The following ACVR1C variants were observed in gnomAD, a reference collection of about 807,000 sequenced individuals.
The protein encoded by ACVR1C is activin receptor type-1C.
Under a neutral mutation model 57.9 loss-of-function variants are expected in ACVR1C, and 23 were observed. That is an observed-to-expected ratio of 0.40 (90% CI 0.29 to 0.56). ACVR1C has a LOEUF of 0.56. Among genes scored for constraint, ACVR1C ranks in the 20% least tolerant of loss-of-function variants. ACVR1C has a pLI of 0.50. For missense variants in ACVR1C, 480 were observed against 607.9 expected (o/e 0.79, Z 2.21); for synonymous variants, 214 against 215.3 (o/e 0.99, Z 0.05).
At chr2:157,615,646 G>A (rs1347731580) in intron 1 of ACVR1C, among the ~76,000 whole-genome samples, 1 of 152,002 alleles carries the variant, frequency 6.6e-6, no homozygotes, top group Non-Finnish European at 1.5e-5. Flanking sequence ...AAAGTGCTGG[G>A]ATTACATAAG....
At chr2:157,558,217 A>G (rs1688148867) in intron 2 of ACVR1C, among the ~76,000 whole-genome samples, 1 of 152,200 alleles carries the variant, frequency 6.6e-6, no homozygotes, top group Non-Finnish European at 1.5e-5. Flanking sequence ...ATGATTCTTC[A>G]CAGGACAGAG....
Position 157,550,268 on chromosome 2 carries a change from T to A in ACVR1C, c.669A>T (p.Ile223=). ...RWCGEDVAVK[I]FSSRDERSWF... is the part of the protein sequence containing the mutation. ...AAGATCTTTCATCTCTGGAGGAGAA[T>A]ATTTTCACAGCCACATCTTCCCCAC... The change falls in exon 4 of 9, where the codon ATA becomes ATT. Residue 223 remains isoleucine (I), a synonymous_variant. Transcript: ENST00000243349. 1 of 1,614,102 alleles carries A rather than the reference T, an allele frequency of 6.2e-7. No individual in the cohort carries two copies. Among genetic ancestry groups the A allele is most frequent in the Non-Finnish European group, 8.5e-7 (1 of 1,180,022 alleles).
chr2:157,534,092 A>G (rs550012048), intron 8 of ACVR1C, 49 bp from the exon 9 acceptor site: 1 of 1,423,130 alleles, frequency 7.0e-7, no homozygotes, highest in African/African-American at 1.5e-5. Flanking sequence ...TCTACATAAA[A>G]CAGAGCACAA....
intron 2 of ACVR1C, among the ~76,000 whole-genome samples, chr2:157,581,262 C>T (rs1688783351): frequency 6.6e-6 from 1 of 151,770 alleles, no homozygotes; most frequent in Non-Finnish European, 1.5e-5. Flanking sequence ...TATGAATCAG[C>T]AGAATCAAAA....
intron 1 of ACVR1C, among the ~76,000 whole-genome samples, chr2:157,626,099 G>T (rs1283951097): frequency 6.6e-6 from 1 of 152,154 alleles, no homozygotes; most frequent in East Asian, 1.9e-4. Flanking sequence ...CAAGTAGCTA[G>T]GACTACAGGT....
rs751003608 is a variant in ACVR1C at position 157,628,588 on chromosome 2, G to A, written c.57C>T (p.Ala19=). The A allele has an allele frequency of 3.2e-5, 51 of 1,607,360 alleles. No individual in the cohort carries two copies. Among genetic ancestry groups the A allele is most frequent in the Non-Finnish European group, 4.2e-5 (49 of 1,177,624 alleles). ...GCACCGTACCTGGCGAGAGCTCGGC[G>A]GCCGCTGCGAGCAGCAGGAGAGCCT... is the stretch of plus-strand genomic sequence containing the variant. ...LRQALLLLAA[A]AELSPGLKCV... is the part of the protein sequence containing the mutation. The change falls in exon 1 of 9, where the codon GCC becomes GCT. Residue 19 remains alanine (A), a synonymous_variant. Transcript: ENST00000243349.
At chr2:157,546,039 C>A (rs540669768) in intron 4 of ACVR1C, among the ~76,000 whole-genome samples, 2 of 152,322 alleles carry the variant, frequency 1.3e-5, no homozygotes, top group Admixed American at 1.3e-4. Flanking sequence ...ACCTTGGCCT[C>A]CCGAAGTGCT....
rs752985080 is a variant in ACVR1C at position 157,628,689 on chromosome 2, G to A, written c.-45C>T. On this transcript the variant is annotated 5_prime_UTR_variant, in exon 1 of 9. Coordinates refer to ENST00000243349, the MANE Select transcript of ACVR1C (RefSeq NM_145259.3). ...CGGGGCTGCGAGGCCCCAGAGCAGA[G>A]CGAGGCAGCCGGGGCAGCACGGCCC... The A allele has an allele frequency of 1.3e-4, 192 of 1,485,928 alleles. 1 individual carries two copies. The highest frequency in any genetic ancestry group is 1.9e-4 in the Admixed American group (8 of 43,064). The allele number at this position is 1,485,928 out of a possible 1,614,324, so 92.0% of individuals were successfully genotyped here.
At chr2:157,541,235 C>T in intron 6 of ACVR1C, 21 bp from the exon 7 acceptor site, 1 of 1,607,092 alleles carries the variant, frequency 6.2e-7, no homozygotes, top group Non-Finnish European at 8.5e-7. Context: ...ATGTACATTT[C>T]AGATTCTGTC....
rs949867123 is a variant in ACVR1C, at chr2:157,533,563, CT to C, written c.*354del. On this transcript the variant is annotated 3_prime_UTR_variant, in exon 9 of 9. Transcript: ENST00000243349. ...ATCTCAGAAAAAAATGTTTTTACAT[CT>C]TTTCCTGTTCATTCATGTGCTCTTG... 2 of 155,388 alleles carry C rather than the reference CT, an allele frequency of 1.3e-5. No homozygotes were observed. The highest frequency in any genetic ancestry group is 1.3e-4 in the Admixed American group (2 of 15,370). 9.6% of individuals were successfully genotyped at this position (155,388 alleles called of 1,614,324 possible).
At chr2:157,575,745 T>C (rs559170440) in intron 2 of ACVR1C, among the ~76,000 whole-genome samples, 1 of 152,340 alleles carries the variant, frequency 6.6e-6, no homozygotes, top group African/African-American at 2.4e-5. Context: ...GAAATGGGTA[T>C]GGAAGAAAAC....
At chr2:157,534,140 C>CTTTT in intron 8 of ACVR1C, 97 bp from the exon 9 acceptor site, 1 of 840,190 alleles carries the variant, frequency 1.2e-6, no homozygotes, top group Non-Finnish European at 1.6e-6. Flanking sequence ...TGATGCTAAG[C>CTTTT]TTTTTTTTTT....
chr2:157,534,113 G>T, intron 8 of ACVR1C, 70 bp from the exon 9 acceptor site: 9 of 1,239,260 alleles, frequency 7.3e-6, no homozygotes, highest in Non-Finnish European at 8.4e-6. Context: ...AAGAAGTAAA[G>T]CCATAAATCC....
chr2:157,537,608 AACT>A (rs1687520743), intron 8 of ACVR1C, among the ~76,000 whole-genome samples: 1 of 152,140 alleles, frequency 6.6e-6, no homozygotes, highest in Non-Finnish European at 1.5e-5. Context: ...GCAAAAAGGC[AACT>A]ATATAAAATA....
chr2:157,598,279 G>A (rs919679019), intron 1 of ACVR1C, among the ~76,000 whole-genome samples: 2 of 147,934 alleles, frequency 1.4e-5, no homozygotes, highest in African/African-American at 5.0e-5. Context: ...ATTTCATACT[G>A]TATACATATC....
At chr2:157,599,666 C>A (rs1163273429) in intron 1 of ACVR1C, among the ~76,000 whole-genome samples, 3 of 152,180 alleles carry the variant, frequency 2.0e-5, no homozygotes, top group Admixed American at 6.5e-5. Flanking sequence ...TTTGTCAAAT[C>A]TATGATTTCC....
Position 157,544,625 on chromosome 2 carries a change from T to C in ACVR1C, c.776-13A>G, listed in dbSNP as rs10432556. 1,274,156 of 1,596,512 alleles carry C rather than the reference T, an allele frequency of 0.8. 513,255 individuals carry two copies. Among genetic ancestry groups the C allele is most frequent in the East Asian group, 0.93 (41,656 of 44,720 alleles). ...CAAGTTCCATTATCTAACAAGAAAA[T>C]GTAATTTTGTTGTTGTAAATACATA... On this transcript the variant is annotated splice_polypyrimidine_tract_variant and intron_variant, in intron 4 of 8. Transcript: ENST00000243349.
chr2:157,535,008 C>T (rs773707393), intron 8 of ACVR1C, among the ~76,000 whole-genome samples: 1 of 151,790 alleles, frequency 6.6e-6, no homozygotes, highest in Non-Finnish European at 1.5e-5. Flanking sequence ...ATTTTAAAAA[C>T]TTAGCCAGGC....
chr2:157,606,208 T>C (rs1682392812), intron 1 of ACVR1C, among the ~76,000 whole-genome samples: 1 of 151,804 alleles, frequency 6.6e-6, no homozygotes, highest in Non-Finnish European at 1.5e-5. Context: ...CATCCACTGA[T>C]GGACACTTAG....
Sources: gnomAD v4.1 joint callset for allele counts (sites outside exome capture counted in the v4.1 genomes callset) on GRCh38, gnomAD v4.1.1 for gene constraint, MANE v1.5 for transcripts, NCBI Gene and HGNC (gene_info 2026-07-23, HGNC 2026-07-21) for gene names.